The following IQSEC3 variants were observed in gnomAD, a reference collection of about 807,000 sequenced individuals.
The protein encoded by IQSEC3 is IQ motif and Sec7 domain ArfGEF 3.
IQSEC3 carries 50 observed loss-of-function variants against 105.4 expected under a neutral mutation model. The observed-to-expected ratio is 0.47, with a 90% confidence interval of 0.38 to 0.60. The LOEUF is 0.60. Among genes scored for constraint, IQSEC3 ranks in the 20% least tolerant of loss-of-function variants. The probability of loss-of-function intolerance (pLI) is 0.00; values close to 1 mark genes in which losing one functional copy is unlikely to be tolerated. For missense variants in IQSEC3, 1,415 were observed against 1,630.0 expected (o/e 0.87, Z 2.27); for synonymous variants, 708 against 746.0 (o/e 0.95, Z 0.83).
At chr12:167,917 T>G (rs1938757736) in intron 11 of IQSEC3, among the ~76,000 whole-genome samples, 1 of 152,234 alleles carries the variant, frequency 6.6e-6, no homozygotes, top group Non-Finnish European at 1.5e-5. Context: ...TCAGGCTAAT[T>G]TCTCCAAAGC....
At chr12:166,245 G>A (rs564553875) in intron 11 of IQSEC3, 9 of 275,722 alleles carry the variant, frequency 3.3e-5, no homozygotes, top group Middle Eastern at 1.0e-3. Flanking sequence ...CCACCAAACC[G>A]TCTGCTGTCA....
At chr12:93,451 A>G (rs1555074020) in intron 1 of IQSEC3, among the ~76,000 whole-genome samples, 1 of 152,140 alleles carries the variant, frequency 6.6e-6, no homozygotes, top group African/African-American at 2.4e-5. Flanking sequence ...CCTGGTGTCC[A>G]GTGTCCATCT....
At chr12:83,644 G>A (rs996996603) in intron 1 of IQSEC3, among the ~76,000 whole-genome samples, 8 of 149,290 alleles carry the variant, frequency 5.4e-5, no homozygotes, top group Non-Finnish European at 1.0e-4. Flanking sequence ...AGAGGAGATG[G>A]CATCACAGTG....
chr12:168,799 A>C (rs1463158314), intron 11 of IQSEC3, among the ~76,000 whole-genome samples: 1 of 152,094 alleles, frequency 6.6e-6, no homozygotes, highest in African/African-American at 2.4e-5. Context: ...AGCAGATAGG[A>C]TCATCCCCAT....
intron 2 of IQSEC3, among the ~76,000 whole-genome samples, chr12:102,822 C>G (rs1319175444): frequency 1.3e-5 from 2 of 152,176 alleles, no homozygotes; most frequent in Non-Finnish European, 2.9e-5. Context: ...CGTCAGCGAT[C>G]TGGAGTACAG....
intron 12 of IQSEC3, 128 bp downstream of exon 12, chr12:169,233 G>T (rs536831520): frequency 5.8e-6 from 4 of 690,286 alleles, no homozygotes; most frequent in African/African-American, 1.8e-5. Context: ...GCTGAGGAGC[G>T]CCAGGCTTGC....
At chr12:108,835 C>T (rs1338674995) in intron 2 of IQSEC3, among the ~76,000 whole-genome samples, 1 of 152,256 alleles carries the variant, frequency 6.6e-6, no homozygotes, top group African/African-American at 2.4e-5. Flanking sequence ...AAAGGCATCC[C>T]TGGCTCCTTC....
In IQSEC3 at chr12:169,900, C is replaced by T. The variant is rs114876397; in HGVS notation, c.3064+795C>T. Among the ~76,000 whole-genome samples, 468 of 152,354 alleles carry T rather than the reference C, an allele frequency of 3.1e-3. 5 individuals are homozygous for T. The highest frequency in any genetic ancestry group is 0.011 in the African/African-American group (439 of 41,580). Reference sequence around the variant, plus strand: ...TTACTCTCACACTCAACAAACACTTCTCGAATGGCTGCTGCCCTGTGCAGA... The same window carrying T: ...TTACTCTCACACTCAACAAACACTTTTCGAATGGCTGCTGCCCTGTGCAGA... On this transcript the variant is annotated intron_variant, in intron 12 of 13. Coordinates refer to ENST00000538872, the MANE Select transcript of IQSEC3 (RefSeq NM_001170738.2).
At chr12:74,381 A>G (rs1863437869) in intron 1 of IQSEC3, among the ~76,000 whole-genome samples, 1 of 152,254 alleles carries the variant, frequency 6.6e-6, no homozygotes, top group Non-Finnish European at 1.5e-5. Flanking sequence ...AATGAAAAAG[A>G]AAAGATGGTG....
At chr12:139,571 T>A in intron 4 of IQSEC3, 3 of 439,902 alleles carry the variant, frequency 6.8e-6, no homozygotes, top group African/African-American at 2.0e-5. Context: ...TTAAGAAAGA[T>A]TAAAGGAAAA....
chr12:107,622 G>T (rs1044478057), intron 2 of IQSEC3, among the ~76,000 whole-genome samples: 7 of 151,928 alleles, frequency 4.6e-5, no homozygotes, highest in African/African-American at 7.3e-5. Flanking sequence ...GTGTTAGCCA[G>T]GATGGTCTCG....
intron 5 of IQSEC3, among the ~76,000 whole-genome samples, chr12:155,811 G>A (rs2137037010): frequency 6.6e-6 from 1 of 152,320 alleles, no homozygotes; most frequent in African/African-American, 2.4e-5. Flanking sequence ...GCCGGCAGTG[G>A]GCAGTGTCAG....
intron 11 of IQSEC3, chr12:167,587 A>AAAAG (rs1374681851): frequency 1.3e-5 from 2 of 152,104 alleles, no homozygotes; most frequent in East Asian, 3.9e-4. Context: ...AAAAAAAAAA[A>AAAAG]AAAGAAAATG....
intron 8 of IQSEC3, among the ~76,000 whole-genome samples, chr12:163,180 C>A (rs1866984207): frequency 8.1e-6 from 1 of 123,948 alleles, no homozygotes; most frequent in Non-Finnish European, 1.8e-5. Flanking sequence ...CCTCCCCTCT[C>A]CTCCCTCCAC....
chr12:131,004 C>T (rs1267518933), intron 3 of IQSEC3, among the ~76,000 whole-genome samples: 1 of 49,826 alleles, frequency 2.0e-5, no homozygotes, highest in Non-Finnish European at 4.2e-5. Context: ...CACTGTGCCC[C>T]CCAGCTAGCG....
chr12:100,074 A>G (rs1864373638), intron 2 of IQSEC3, among the ~76,000 whole-genome samples: 1 of 152,070 alleles, frequency 6.6e-6, no homozygotes, highest in Admixed American at 6.6e-5. Context: ...AAATTTGCCC[A>G]GTCTCTCAGT....
At chr12:118,797 G>C (rs550034581) in intron 2 of IQSEC3, among the ~76,000 whole-genome samples, 2 of 152,236 alleles carry the variant, frequency 1.3e-5, no homozygotes, top group African/African-American at 4.8e-5. Context: ...TCCTCTCCTG[G>C]CTCTCACATA....
chr12:97,651 A>G (rs1555075040), intron 1 of IQSEC3, among the ~76,000 whole-genome samples: 2 of 152,198 alleles, frequency 1.3e-5, no homozygotes, highest in African/African-American at 4.8e-5. Context: ...CTCTATCTCT[A>G]TGAAATTTTT....
At chr12:150,949 C>T (rs1021695565) in intron 5 of IQSEC3, among the ~76,000 whole-genome samples, 2 of 151,560 alleles carry the variant, frequency 1.3e-5, no homozygotes, top group South Asian at 2.1e-4. Flanking sequence ...ATGGAGACTC[C>T]GTCTCTCCAG....
Sources: gnomAD v4.1 joint callset for allele counts (sites outside exome capture counted in the v4.1 genomes callset) on GRCh38, gnomAD v4.1.1 for gene constraint, MANE v1.5 for transcripts, NCBI Gene and HGNC (gene_info 2026-07-23, HGNC 2026-07-21) for gene names.